Variants in RAET1E observed in about 807,000 individuals in gnomAD.
RAET1E encodes NKG2D ligand 4.
A neutral mutation model predicts 21.1 loss-of-function variants in RAET1E; 27 were observed. The observed-to-expected ratio is 1.28, with a 90% CI of 0.94 to 1.76. The LOEUF (loss-of-function observed/expected upper bound fraction) is 1.76, where lower values mean the gene tolerates loss of function less well. Among genes scored for constraint, RAET1E ranks in the 40% most tolerant of loss-of-function variants. The pLI is 0.00. For missense variants in RAET1E, 310 were observed against 311.3 expected (o/e 1.00, Z 0.03); for synonymous variants, 113 against 115.0 (o/e 0.98, Z 0.11).
Position 149,883,542 on chromosome 6 carries a change from CA to C in RAET1E, c.*4955del. 1 of 152,198 alleles carries C rather than the reference CA, an allele frequency of 6.6e-6. No individual in the cohort carries two copies. 9.4% of individuals were successfully genotyped at this position (152,198 alleles called of 1,614,324 possible). A position where few individuals can be genotyped will look rare whatever the true frequency, so the allele number is the denominator to read the frequency against. Reference sequence around the variant, plus strand: ...TGAAACCCCGTCTCTACTAAAAATACAAAAATTAGCCGGGCGTGGTGGCTCA... The same window carrying C: ...TGAAACCCCGTCTCTACTAAAAATACAAAATTAGCCGGGCGTGGTGGCTCA... On this transcript the variant is annotated 3_prime_UTR_variant, in exon 6 of 6. Coordinates refer to ENST00000357183, the MANE Select transcript of RAET1E (RefSeq NM_001394057.1).
rs1777758734 is a variant in RAET1E at position 149,889,162 on chromosome 6, C to T, written c.622+186G>A. On this transcript the variant is annotated intron_variant, in intron 5 of 5. Transcript: ENST00000357183. ...AGGGGTTTCTACACTGAGGAAGAAA[C>T]AGTGGGAGGTGGGATGGGAAAGGGA... 3 of 1,439,416 alleles carry T rather than the reference C, an allele frequency of 2.1e-6. No individual in the cohort carries two copies. In the African/African-American group the frequency reaches 4.3e-5, roughly 21 times the overall value. The allele number at this position is 1,439,416 out of a possible 1,614,324, so 89.2% of individuals were successfully genotyped here.
chr6:149,892,588 G>C (rs892446310), intron 2 of RAET1E, among the ~76,000 whole-genome samples: 19 of 152,172 alleles, frequency 1.2e-4, no homozygotes, highest in African/African-American at 4.6e-4. Context: ...TAAGTTCTTT[G>C]TAGATTCTGG....
rs151234593 is a variant in RAET1E at position 149,895,828 on chromosome 6, C to G, written c.-134+18G>C. 1 of 152,296 alleles carries G rather than the reference C, an allele frequency of 6.6e-6. No homozygotes were observed. The highest frequency in any genetic ancestry group is 2.4e-5 in the African/African-American group (1 of 41,562). The allele number at this position is 152,296 out of a possible 1,614,324, so 9.4% of individuals were successfully genotyped here. On this transcript the variant is annotated intron_variant, in intron 2 of 5. Coordinates refer to ENST00000357183, the MANE Select transcript of RAET1E (RefSeq NM_001394057.1). ...AGAATAGACAAGGTGGCTGAAACAC[C>G]AAGCATTTATTTCTTACCTTCCTGG... is the stretch of plus-strand genomic sequence containing the variant.
At position 149,891,031 on chromosome 6, in the gene RAET1E, A is replaced by G. The variant is rs1401146474; in HGVS notation, c.-130T>C. 1.7e-5 allele frequency: 11 copies of G among 634,206 alleles called. No individual in the cohort carries two copies. In the East Asian group the frequency reaches 3.1e-4, roughly 18 times the overall value. 39.3% of individuals were successfully genotyped at this position (634,206 alleles called of 1,614,324 possible). Reference sequence around the variant, plus strand: ...TCTTTACCCTGGAACAACTGAGGTCAGGCCTGTAGAGACCCAATTAAAGAA... The same window carrying G: ...TCTTTACCCTGGAACAACTGAGGTCGGGCCTGTAGAGACCCAATTAAAGAA... On this transcript the variant is annotated 5_prime_UTR_variant, in exon 3 of 6. Transcript: ENST00000357183.
At position 149,888,452 on chromosome 6, in the gene RAET1E, G is replaced by A. The variant is rs750473556; in HGVS notation, c.*46C>T. ...GGAGAGAGATGGATCAGGGAGCGGG[G>A]GCTTGGATGAGACCCATGATTCACC... On this transcript the variant is annotated 3_prime_UTR_variant, in exon 6 of 6. Coordinates refer to ENST00000357183, the MANE Select transcript of RAET1E (RefSeq NM_001394057.1). 1.3e-6 allele frequency: 2 copies of A among 1,597,482 alleles called. No individual in the cohort carries two copies. Among genetic ancestry groups the A allele is most frequent in the South Asian group, 2.2e-5 (2 of 89,744 alleles).
intron 5 of RAET1E, among the ~76,000 whole-genome samples, chr6:149,888,870 A>T (rs971021158): frequency 6.6e-6 from 1 of 152,126 alleles, no homozygotes; most frequent in Non-Finnish European, 1.5e-5. Flanking sequence ...TGGAGCTCAG[A>T]TTTCTACTGA....
intron 2 of RAET1E, among the ~76,000 whole-genome samples, chr6:149,893,936 C>A (rs1173557089): frequency 1.3e-5 from 2 of 152,134 alleles, no homozygotes; most frequent in African/African-American, 4.8e-5. Flanking sequence ...TATCAAAGTT[C>A]TTTTCTGCAT....
At chr6:149,889,004 A>G in intron 5 of RAET1E, 1 of 1,103,028 alleles carries the variant, frequency 9.1e-7, no homozygotes, top group Non-Finnish European at 1.2e-6. Flanking sequence ...AAGGCTTCCT[A>G]AGAAGTGGCA....
At chr6:149,891,233 A>G (rs1269896322) in intron 2 of RAET1E, among the ~76,000 whole-genome samples, 199 bp from the exon 3 acceptor site, 1 of 151,902 alleles carries the variant, frequency 6.6e-6, no homozygotes, top group Non-Finnish European at 1.5e-5. Context: ...AGGTTATGTG[A>G]GCTCCTTCTC....
At chr6:149,890,265 C>A (rs1777828321) in intron 3 of RAET1E, 120 bp from the exon 4 acceptor site, 10 of 1,017,028 alleles carry the variant, frequency 9.8e-6, no homozygotes, top group Non-Finnish European at 1.5e-5. Context: ...GCAGCTCCAT[C>A]CCAGACTCCC....
In RAET1E at chr6:149,887,888, C is replaced by G. The variant is rs562174635; in HGVS notation, c.*610G>C. ...AACAGGACCAAAGAGCAGAAGATGT[C>G]TGGCAATGTGTCTGGCATATAATAG... On this transcript the variant is annotated 3_prime_UTR_variant, in exon 6 of 6. Transcript: ENST00000357183. Among the ~76,000 whole-genome samples, 3 of 152,308 alleles carry G rather than the reference C, an allele frequency of 2.0e-5. No individual in the cohort carries two copies. Among genetic ancestry groups the G allele is most frequent in the African/African-American group, 7.2e-5 (3 of 41,570 alleles).
chr6:149,895,890 C>T lies in RAET1E; in HGVS notation c.-178G>A, dbSNP rs1778096478. 1 of 152,232 alleles carries T rather than the reference C, an allele frequency of 6.6e-6. No individual in the cohort carries two copies. The allele number at this position is 152,232 out of a possible 1,614,324, so 9.4% of individuals were successfully genotyped here. On this transcript the variant is annotated 5_prime_UTR_variant, in exon 2 of 6. Coordinates refer to ENST00000357183, the MANE Select transcript of RAET1E (RefSeq NM_001394057.1). ...TCCAAGATCAAGGTGTCAGCAGGTC[C>T]GGTATCTGGCGAGGGCCCTCTCTTC...
At position 149,890,086 on chromosome 6, in the gene RAET1E, A is replaced by G. The variant is rs1368038517; in HGVS notation, c.145T>C (p.Trp49Arg). ...TTCAAGAAGACCTGCGCTTCACACC[A>G]GGGCTGTCCAGGTCTGGACAATGAT... ...IKSLSRPGQPWCEAQVFLNKN... is the reference protein window; with the variant it reads ...IKSLSRPGQPRCEAQVFLNKN... Residue 49 changes from tryptophan to arginine, a missense_variant, in exon 4 of 6, where the codon TGG (tryptophan) becomes CGG (arginine). Coordinates refer to ENST00000357183, the MANE Select transcript of RAET1E (RefSeq NM_001394057.1). The G allele has an allele frequency of 3.7e-6, 6 of 1,614,072 alleles. No homozygotes were observed. Among genetic ancestry groups the G allele is most frequent in the Non-Finnish European group, 5.1e-6 (6 of 1,179,918 alleles).
In RAET1E at chr6:149,885,391, C is replaced by G. The variant is rs188002463; in HGVS notation, c.*3107G>C. On this transcript the variant is annotated 3_prime_UTR_variant, in exon 6 of 6. Transcript: ENST00000357183. ...AGGGACAGAGAGGGCTCAACTTGACCCAGAGCTAAGCCTCTCAGGTCGTGA... is the reference window on the plus strand; with the variant it reads ...AGGGACAGAGAGGGCTCAACTTGACGCAGAGCTAAGCCTCTCAGGTCGTGA... Among the ~76,000 whole-genome samples the G allele has an allele frequency of 8.9e-4, 136 of 152,248 alleles. No individual in the cohort carries two copies. Among genetic ancestry groups the G allele is most frequent in the African/African-American group, 3.1e-3 (130 of 41,550 alleles).
rs1380327874 is a variant in RAET1E, at chr6:149,888,139, C to T, written c.*359G>A. The T allele has an allele frequency of 1.9e-6, 1 of 532,030 alleles. No homozygotes were observed. The highest frequency in any genetic ancestry group is 3.7e-6 in the Non-Finnish European group (1 of 273,764). The allele number at this position is 532,030 out of a possible 1,614,324, so 33.0% of individuals were successfully genotyped here. A position where few individuals can be genotyped will look rare whatever the true frequency, so the allele number is the denominator to read the frequency against. ...GTTATCTGGGAGTAAATGCTGCAGCCACAAGCGCCACCAGCAAGTCTTCTC... is the reference window on the plus strand; with the variant it reads ...GTTATCTGGGAGTAAATGCTGCAGCTACAAGCGCCACCAGCAAGTCTTCTC... On this transcript the variant is annotated 3_prime_UTR_variant, in exon 6 of 6. Coordinates refer to ENST00000357183, the MANE Select transcript of RAET1E (RefSeq NM_001394057.1).
chr6:149,895,038 T>TTGCC (rs949789192), intron 2 of RAET1E, among the ~76,000 whole-genome samples: 12 of 152,332 alleles, frequency 7.9e-5, no homozygotes, highest in African/African-American at 2.9e-4. Flanking sequence ...CTGCTGGAGT[T>TTGCC]TGCCGGTGGT....
Position 149,890,087 on chromosome 6 carries a change from G to C in RAET1E, c.144C>G (p.Pro48=). 6.2e-7 allele frequency: 1 copy of C among 1,613,858 alleles called. No individual in the cohort carries two copies. Among genetic ancestry groups the C allele is most frequent in the Non-Finnish European group, 8.5e-7 (1 of 1,179,778 alleles). The change falls in exon 4 of 6, where the codon CCC becomes CCG. Residue 48 remains proline, a synonymous_variant. Coordinates refer to ENST00000357183, the MANE Select transcript of RAET1E (RefSeq NM_001394057.1). ...TIKSLSRPGQ[P]WCEAQVFLNK... is the part of the protein sequence containing the mutation. ...TCAAGAAGACCTGCGCTTCACACCA[G>C]GGCTGTCCAGGTCTGGACAATGATT...
intron 2 of RAET1E, among the ~76,000 whole-genome samples, chr6:149,893,272 A>G (rs1777983554): frequency 6.6e-6 from 1 of 152,140 alleles, no homozygotes; most frequent in South Asian, 2.1e-4. Flanking sequence ...ATAGCATTGA[A>G]TCTATAAATT....
rs559382375 is a variant in RAET1E at position 149,896,402 on chromosome 6, A to AT, written c.-320-371dup. On this transcript the variant is annotated intron_variant, in intron 1 of 5. Transcript: ENST00000357183. ...CGTTTGAAGGAGCCGAGGAATGCAC[A>AT]TTTTTTACATGTCCCCTATGTGGTT... Among the ~76,000 whole-genome samples the AT allele has an allele frequency of 3.2e-4, 49 of 152,254 alleles. No individual in the cohort carries two copies. The East Asian group carries it at 8.3e-3, about 26-fold the overall frequency.
Sources: gnomAD v4.1 joint callset for allele counts (sites outside exome capture counted in the v4.1 genomes callset) on GRCh38, gnomAD v4.1.1 for gene constraint, MANE v1.5 for transcripts, NCBI Gene and HGNC (gene_info 2026-07-23, HGNC 2026-07-21) for gene names.